The following MTUS2 variants were observed in gnomAD, a reference collection of about 807,000 sequenced individuals.
MTUS2 encodes the protein microtubule associated scaffold protein 2.
A neutral mutation model predicts 114.1 loss-of-function variants in MTUS2; 40 were observed. The observed-to-expected ratio is 0.35, with a 90% CI of 0.27 to 0.46. MTUS2 has a LOEUF of 0.46. Among genes scored for constraint, MTUS2 ranks in the 20% least tolerant of loss-of-function variants. The pLI is 1.00. For missense variants in MTUS2, 1,679 were observed against 1,705.4 expected (o/e 0.98, Z 0.27); for synonymous variants, 688 against 672.0 (o/e 1.02, Z -0.37).
chr13:29,003,748 G>A (rs1280427257), intron 2 of MTUS2, among the ~76,000 whole-genome samples: 4 of 152,254 alleles, frequency 2.6e-5, no homozygotes, highest in East Asian at 3.9e-4. Context: ...GATGATACCC[G>A]GGTGATAGAC....
At chr13:28,929,594 C>T (rs548292802) in intron 2 of MTUS2, among the ~76,000 whole-genome samples, 38 of 152,186 alleles carry the variant, frequency 2.5e-4, no homozygotes, top group South Asian at 6.2e-4. Context: ...GCTTGAGCAC[C>T]GCTATGAAGG....
chr13:29,214,637 A>G (rs187159712), intron 5 of MTUS2, among the ~76,000 whole-genome samples: 250 of 152,316 alleles, frequency 1.6e-3, no homozygotes, highest in Non-Finnish European at 1.9e-3. Context: ...TTGCCTGGAT[A>G]TGAAATTCTG....
chr13:29,098,461 CACACACAT>C (rs1190108188), intron 4 of MTUS2, among the ~76,000 whole-genome samples: 22 of 114,304 alleles, frequency 1.9e-4, no homozygotes, highest in Non-Finnish European at 3.1e-4. Flanking sequence ...CACACACACA[CACACACAT>C]GTGCGTGCAT....
At chr13:28,982,346 TAAAA>T (rs34479954) in intron 2 of MTUS2, among the ~76,000 whole-genome samples, 15 of 147,122 alleles carry the variant, frequency 1.0e-4, no homozygotes, top group Non-Finnish European at 1.8e-4. Context: ...GGTTATTATT[TAAAA>T]AAAAAAAAGA....
intron 3 of MTUS2, among the ~76,000 whole-genome samples, chr13:29,031,799 C>G (rs1324538037): frequency 1.3e-5 from 2 of 152,020 alleles, no homozygotes; most frequent in East Asian, 3.9e-4. Context: ...CCCAGACACC[C>G]TTCCCCCACC....
chr13:29,012,755 TCCCAGC>T (rs1885905167), intron 2 of MTUS2, among the ~76,000 whole-genome samples: 1 of 151,970 alleles, frequency 6.6e-6, no homozygotes, highest in African/African-American at 2.4e-5. Context: ...GCGCCTGTAG[TCCCAGC>T]TACTCGGGAG....
intron 3 of MTUS2, among the ~76,000 whole-genome samples, chr13:29,027,615 G>A (rs560754734): frequency 3.7e-4 from 57 of 152,274 alleles, no homozygotes; most frequent in South Asian, 6.2e-4. Context: ...GCAGTGGCGC[G>A]ATCTCGGCTC....
chr13:28,833,361 C>G (rs1010124115), intron 1 of MTUS2, among the ~76,000 whole-genome samples: 1 of 151,978 alleles, frequency 6.6e-6, no homozygotes, highest in African/African-American at 2.4e-5. Flanking sequence ...GTTTGTATAC[C>G]GTGACTAAGT....
intron 8 of MTUS2, among the ~76,000 whole-genome samples, chr13:29,404,414 G>A (rs936380693): frequency 2.0e-5 from 3 of 152,126 alleles, no homozygotes; most frequent in Admixed American, 6.5e-5. Flanking sequence ...CCAGCTACTC[G>A]AGAGGCTGAG....
At chr13:29,334,972 T>C (rs946673842) in intron 7 of MTUS2, among the ~76,000 whole-genome samples, 4 of 152,168 alleles carry the variant, frequency 2.6e-5, no homozygotes, top group Admixed American at 2.6e-4. Context: ...CTGCACAAAC[T>C]GTAGAGCATG....
intron 5 of MTUS2, among the ~76,000 whole-genome samples, chr13:29,127,319 G>A (rs1050576959): frequency 6.6e-6 from 1 of 152,118 alleles, no homozygotes; most frequent in Non-Finnish European, 1.5e-5. Context: ...TTATTCACTG[G>A]ACACTCATTT....
chr13:29,123,268 T>G (rs182225303), intron 5 of MTUS2, among the ~76,000 whole-genome samples: 19 of 152,304 alleles, frequency 1.2e-4, no homozygotes, highest in Admixed American at 1.2e-3. Context: ...CTGATTTTAT[T>G]TTTTTCATTT....
At chr13:29,296,157 A>G (rs1357977790) in intron 6 of MTUS2, among the ~76,000 whole-genome samples, 1 of 152,124 alleles carries the variant, frequency 6.6e-6, no homozygotes, top group East Asian at 1.9e-4. Context: ...TATACCCAGC[A>G]ATAGGATTGC....
At chr13:29,146,687 T>C (rs1272917269) in intron 5 of MTUS2, among the ~76,000 whole-genome samples, 1 of 152,204 alleles carries the variant, frequency 6.6e-6, no homozygotes, top group Non-Finnish European at 1.5e-5. Flanking sequence ...TATGCAAATA[T>C]GACTAAATGC....
At chr13:28,974,403 A>G (rs1369832528) in intron 2 of MTUS2, among the ~76,000 whole-genome samples, 1 of 152,186 alleles carries the variant, frequency 6.6e-6, no homozygotes, top group African/African-American at 2.4e-5. Flanking sequence ...TGAGCCACTG[A>G]TTTGAAATTT....
At chr13:28,919,535 T>A (rs1880930676) in intron 2 of MTUS2, among the ~76,000 whole-genome samples, 1 of 152,168 alleles carries the variant, frequency 6.6e-6, no homozygotes, top group Non-Finnish European at 1.5e-5. Context: ...GATTATTAAA[T>A]GCCTTGAGGT....
rs200465559 is a variant in MTUS2 at position 29,100,844 on chromosome 13, G to A, written c.2518G>A (p.Gly840Arg). Residue 840 changes from glycine (G) to arginine (R), a missense_variant, in exon 5 of 16, where the codon GGA becomes AGA. Transcript: ENST00000612955. ...CCCGAAATCTGGTCTCCGTCCTCCCGGATACTCACGTCTCCCGGCAGCCAA... is the reference window on the plus strand; with the variant it reads ...CCCGAAATCTGGTCTCCGTCCTCCCAGATACTCACGTCTCCCGGCAGCCAA... ...NLPKSGLRPPGYSRLPAAKLA... is the reference protein window; with the variant it reads ...NLPKSGLRPPRYSRLPAAKLA... 12 of 1,552,122 alleles carry A rather than the reference G, an allele frequency of 7.7e-6. No homozygotes were observed. The highest frequency in any genetic ancestry group is 2.4e-5 in the East Asian group (1 of 40,960).
At chr13:29,101,021 C>G in intron 5 of MTUS2, 51 bp downstream of exon 5, 2 of 1,470,010 alleles carry the variant, frequency 1.4e-6, no homozygotes, top group Non-Finnish European at 1.8e-6. Flanking sequence ...AAAACCGGCG[C>G]GCCTGTGTAA....
chr13:28,888,178 G>T (rs1360601720), intron 2 of MTUS2, among the ~76,000 whole-genome samples: 1 of 152,178 alleles, frequency 6.6e-6, no homozygotes, highest in Non-Finnish European at 1.5e-5. Flanking sequence ...ATATTTGTCT[G>T]AGTTCTTAAT....
Sources: gnomAD v4.1 joint callset for allele counts (sites outside exome capture counted in the v4.1 genomes callset) on GRCh38, gnomAD v4.1.1 for gene constraint, MANE v1.5 for transcripts, NCBI Gene and HGNC (gene_info 2026-07-23, HGNC 2026-07-21) for gene names.